The following GREB1 variants were observed in gnomAD, a reference collection of about 807,000 sequenced individuals.
GREB1 encodes the protein protein GREB1.
Under a neutral mutation model 200.7 loss-of-function variants are expected in GREB1, and 106 were observed. The observed-to-expected ratio is 0.53, with a 90% confidence interval of 0.45 to 0.62. The LOEUF is 0.62. GREB1 is among the 20% of genes least tolerant of loss of function. The pLI is 0.00. For synonymous variants in GREB1, 1,132 were observed against 1,092.4 expected, an observed-to-expected ratio of 1.04 and a Z score of -0.72; for missense variants, 2,243 against 2,556.8, an observed-to-expected ratio of 0.88 and a Z score of 2.65.
Position 11,620,900 on chromosome 2 carries a change from T to C in GREB1, c.4045-5T>C. ...CTGGGGGTTTTAACTCCTATACCTT[T>C]ACAGATCGGGAAGACAGGTGCCTAC... On this transcript the variant is annotated splice_region_variant and splice_polypyrimidine_tract_variant and intron_variant, in intron 22 of 32. Coordinates refer to ENST00000381486, the MANE Select transcript of GREB1 (RefSeq NM_014668.4). The C allele has an allele frequency of 6.3e-7, 1 of 1,592,150 alleles. No individual in the cohort carries two copies. The highest frequency in any genetic ancestry group is 1.1e-5 in the South Asian group (1 of 90,570).
Position 11,630,031 on chromosome 2 carries a change from G to A in GREB1, c.4533G>A (p.Lys1511=). The A allele has an allele frequency of 6.2e-7, 1 of 1,614,214 alleles. No individual in the cohort carries two copies. Among genetic ancestry groups the A allele is most frequent in the Non-Finnish European group, 8.5e-7 (1 of 1,180,038 alleles). Residue 1511 remains lysine, a synonymous_variant, in exon 26 of 33, where the codon AAG becomes AAA. Transcript: ENST00000381486. ...EEIQLHFIIP[K]SKEHHFVFSQ... ...TCCAGCTGCACTTCATCATCCCCAA[G>A]TCCAAGGAGCACCACTTTGTCTTCA...
chr2:11,512,860 A>G (rs1673390360), intron 1 of GREB1, among the ~76,000 whole-genome samples: 3 of 152,238 alleles, frequency 2.0e-5, no homozygotes, highest in Admixed American at 6.5e-5. Context: ...AAGTAATTTT[A>G]TGTTTTACTT....
chr2:11,485,268 T>C (rs1290955876), intron 1 of GREB1, among the ~76,000 whole-genome samples: 1 of 98,516 alleles, frequency 1.0e-5, no homozygotes, highest in Non-Finnish European at 1.9e-5. Flanking sequence ...TTTATATATA[T>C]ATATGTATTT....
At chr2:11,512,911 G>T (rs1002424531) in intron 1 of GREB1, among the ~76,000 whole-genome samples, 2 of 152,186 alleles carry the variant, frequency 1.3e-5, no homozygotes, top group Non-Finnish European at 2.9e-5. Context: ...AGATAATCAG[G>T]TCAAAATGAC....
chr2:11,505,268 A>G (rs1673150155), intron 1 of GREB1, among the ~76,000 whole-genome samples: 1 of 151,826 alleles, frequency 6.6e-6, no homozygotes. Context: ...GACTGCGGCG[A>G]GGGGAGTGTA....
intron 11 of GREB1, among the ~76,000 whole-genome samples, chr2:11,594,029 G>A (rs775362337): frequency 1.2e-4 from 18 of 151,946 alleles, no homozygotes; most frequent in Non-Finnish European, 2.4e-4. Flanking sequence ...TTTGAGACAG[G>A]GTCTTGCTTT....
rs574550365 is a variant in GREB1 at position 11,596,142 on chromosome 2, T to A, written c.1857T>A (p.Phe619Leu). ...EGDIDILLDK[F>L]HQENQGHISS... The stretch of plus-strand genomic sequence containing the variant: ...ACATTGACATTTTGCTGGACAAATT[T>A]CACCAGGAAAATCAAGGCCATATTT... Residue 619 changes from phenylalanine (F) to leucine (L), a missense_variant, in exon 13 of 33, where the codon TTT (phenylalanine) becomes TTA (leucine). This residue lies in a region of GREB1 where 1,178 missense variants were observed against 1,387.4 expected (regional missense o/e 0.85). Coordinates refer to ENST00000381486, the MANE Select transcript of GREB1 (RefSeq NM_014668.4). The A allele has an allele frequency of 6.2e-7, 1 of 1,613,916 alleles. No homozygotes were observed. The highest frequency in any genetic ancestry group is 2.2e-5 in the East Asian group (1 of 44,894).
intron 5 of GREB1, among the ~76,000 whole-genome samples, chr2:11,576,753 G>C (rs2148038105): frequency 6.6e-6 from 1 of 152,322 alleles, no homozygotes; most frequent in African/African-American, 2.4e-5. Context: ...AGTCGACAGA[G>C]GGCCAGTTGT....
chr2:11,600,727 A>G (rs1476151363), intron 15 of GREB1, 73 bp from the exon 16 acceptor site: 2 of 1,219,810 alleles, frequency 1.6e-6, no homozygotes, highest in African/African-American at 1.5e-5. Flanking sequence ...TTATAAATTT[A>G]TTCAACTGCT....
intron 1 of GREB1, among the ~76,000 whole-genome samples, chr2:11,520,218 C>G (rs1234363247): frequency 1.3e-5 from 2 of 152,210 alleles, no homozygotes; most frequent in Non-Finnish European, 2.9e-5. Flanking sequence ...ATAGATTAAG[C>G]TCATTTCATC....
At chr2:11,522,077 AG>A (rs1673723620) in intron 1 of GREB1, among the ~76,000 whole-genome samples, 1 of 152,178 alleles carries the variant, frequency 6.6e-6, no homozygotes, top group African/African-American at 2.4e-5. Context: ...ATCATCCCCC[AG>A]GGGCATCTGT....
At position 11,588,540 on chromosome 2, in the gene GREB1, G is replaced by A. The variant is rs929816831; in HGVS notation, c.1160-206G>A. ...ACCAGCAAGTGGCACAGCCCCATTG[G>A]TTAGAAAAGGTGACTCCTCTCATCC... On this transcript the variant is annotated intron_variant, in intron 9 of 32. Coordinates refer to ENST00000381486, the MANE Select transcript of GREB1 (RefSeq NM_014668.4). 20 of 638,512 alleles carry A rather than the reference G, an allele frequency of 3.1e-5. No homozygotes were observed. In the African/African-American group the frequency reaches 3.3e-4, roughly 10 times the overall value. The allele number at this position is 638,512 out of a possible 1,614,324, so 39.6% of individuals were successfully genotyped here.
At chr2:11,619,052 A>C in intron 22 of GREB1, 133 bp downstream of exon 22, 24 of 907,782 alleles carry the variant, frequency 2.6e-5, no homozygotes, top group Non-Finnish European at 3.7e-5. Context: ...ATCTTCTCCA[A>C]TGGCCTGGGG....
chr2:11,522,771 A>G (rs1419421365), intron 1 of GREB1, among the ~76,000 whole-genome samples: 3 of 152,228 alleles, frequency 2.0e-5, no homozygotes, highest in Non-Finnish European at 4.4e-5. Flanking sequence ...ACTCAGGGAT[A>G]GCAATGTCAT....
At chr2:11,535,346 C>T (rs16857592) in intron 1 of GREB1, among the ~76,000 whole-genome samples, 37,803 of 152,012 alleles carry the variant, frequency 0.25, 6,656 homozygotes, top group African/African-American at 0.5. Flanking sequence ...GCATCCCTTC[C>T]ATCTTTTCAT....
In GREB1 at chr2:11,631,911, C is replaced by A. The variant is rs1326956383; in HGVS notation, c.4614C>A (p.Ser1538Arg). 1 of 1,611,454 alleles carries A rather than the reference C, an allele frequency of 6.2e-7. No homozygotes were observed. Among genetic ancestry groups the A allele is most frequent in the Admixed American group, 1.7e-5 (1 of 60,012 alleles). ...SMRLPLVTDK[S>R]HEYIKSPTFT... is the part of the protein sequence containing the mutation. Reference sequence around the variant, plus strand: ...CTCATGATACCTGTACTTTGCAGAGCCATGAATATATAAAAAGTCCGACAT... The same window carrying A: ...CTCATGATACCTGTACTTTGCAGAGACATGAATATATAAAAAGTCCGACAT... Residue 1538 changes from serine to arginine, a missense_variant and splice_region_variant, in exon 27 of 33, where the codon AGC becomes AGA. Transcript: ENST00000381486.
intron 1 of GREB1, among the ~76,000 whole-genome samples, chr2:11,526,253 A>C (rs1055562948): frequency 2.0e-5 from 3 of 152,130 alleles, no homozygotes; most frequent in African/African-American, 7.2e-5. Flanking sequence ...CTGTGGCTCT[A>C]AGCTTTCTTC....
intron 23 of GREB1, among the ~76,000 whole-genome samples, chr2:11,621,733 G>A (rs1245462088): frequency 6.6e-6 from 1 of 152,144 alleles, no homozygotes; most frequent in Non-Finnish European, 1.5e-5. Flanking sequence ...TGTCTGAAGG[G>A]CACTTGGTGA....
chr2:11,634,048 G>A, intron 28 of GREB1, 83 bp from the exon 29 acceptor site: 1 of 1,288,320 alleles, frequency 7.8e-7, no homozygotes, highest in Non-Finnish European at 1.1e-6. Flanking sequence ...CAGTCTGAGA[G>A]CCGGTGCCAC....
Sources: allele counts gnomAD v4.1 joint callset (sites outside exome capture counted in the v4.1 genomes callset), GRCh38; gene constraint gnomAD v4.1.1; regional missense constraint gnomAD v4.1.1; transcripts MANE v1.5; gene names NCBI Gene and HGNC (gene_info 2026-07-23, HGNC 2026-07-21).